The following COL4A4 variants were observed in gnomAD, a reference collection of about 807,000 sequenced individuals.
COL4A4 encodes the protein collagen type IV alpha 4 chain, also known as collagen alpha-4(IV) chain.
COL4A4 carries 105 observed loss-of-function variants against 192.9 expected under a neutral mutation model. The ratio of observed to expected loss-of-function variants is 0.54; its 90% CI spans 0.46 to 0.64. The LOEUF (loss-of-function observed/expected upper bound fraction) is 0.64. COL4A4 is among the 30% of genes least tolerant of loss of function. COL4A4 has a pLI of 0.00. For synonymous variants in COL4A4, 762 were observed against 769.9 expected, an observed-to-expected ratio of 0.99 and a Z score of 0.17; for missense variants, 1,967 against 2,169.3, an observed-to-expected ratio of 0.91 and a Z score of 1.85.
chr2:227,114,749 A>G (rs1243074064), intron 7 of COL4A4, 53 bp from the exon 8 acceptor site: 6 of 1,374,060 alleles, frequency 4.4e-6, no homozygotes, highest in Non-Finnish European at 6.2e-6. Flanking sequence ...TTACCATTTC[A>G]GTATTTTCTT....
chr2:227,014,321 G>A (rs1171740115), intron 44 of COL4A4, among the ~76,000 whole-genome samples: 1 of 152,156 alleles, frequency 6.6e-6, no homozygotes, highest in African/African-American at 2.4e-5. Context: ...ATGAGAATCT[G>A]CATTTCTAGA....
intron 22 of COL4A4, among the ~76,000 whole-genome samples, chr2:227,087,710 C>T (rs1365644529): frequency 1.3e-5 from 2 of 152,194 alleles, no homozygotes; most frequent in Non-Finnish European, 2.9e-5. Flanking sequence ...ATGGTCTATG[C>T]TCCACAGAGC....
At chr2:227,065,257 A>T (rs982467786) in intron 25 of COL4A4, among the ~76,000 whole-genome samples, 1 of 152,238 alleles carries the variant, frequency 6.6e-6, no homozygotes, top group African/African-American at 2.4e-5. Flanking sequence ...GATTGCTAGC[A>T]CAGCAGTCTG....
At chr2:226,971,387 C>G in the COL4A4 span, among the ~76,000 whole-genome samples, 1 of 152,338 alleles carries the variant, frequency 6.6e-6, no homozygotes, top group Admixed American at 6.5e-5. Context: ...TTCCTTTGCA[C>G]TGTCATCACA....
intron 1 of COL4A4, among the ~76,000 whole-genome samples, chr2:227,152,677 G>A (rs1052901942): frequency 2.0e-5 from 3 of 152,160 alleles, no homozygotes; most frequent in Admixed American, 6.5e-5. Context: ...CATGTTGTCT[G>A]CAACAATCTA....
chr2:227,004,296 G>A lies in COL4A4; in HGVS notation c.*3029C>T, dbSNP rs1160180246. On this transcript the variant is annotated 3_prime_UTR_variant, in exon 48 of 48. Transcript: ENST00000396625. ...CCCAGGGAATTCACCTCCCACGCAGGGTAAACTGACCCCAGGGAGGACATC... is the reference window on the plus strand; with the variant it reads ...CCCAGGGAATTCACCTCCCACGCAGAGTAAACTGACCCCAGGGAGGACATC... The A allele has an allele frequency of 6.6e-6, 1 of 152,390 alleles. No individual in the cohort carries two copies. Among genetic ancestry groups the A allele is most frequent in the African/African-American group, 2.4e-5 (1 of 41,466 alleles). 9.4% of individuals were successfully genotyped at this position (152,390 alleles called of 1,614,324 possible).
chr2:227,142,983 T>C (rs2063321475), intron 3 of COL4A4, among the ~76,000 whole-genome samples: 1 of 150,820 alleles, frequency 6.6e-6, no homozygotes, highest in Non-Finnish European at 1.5e-5. Context: ...ATAAGCATAT[T>C]CATACAATGA....
chr2:227,039,584 G>A (rs1970374511), intron 37 of COL4A4, among the ~76,000 whole-genome samples: 1 of 152,168 alleles, frequency 6.6e-6, no homozygotes, highest in Non-Finnish European at 1.5e-5. Flanking sequence ...TGACCAAATT[G>A]GGTGTATGTT....
chr2:226,976,295 C>G, the COL4A4 span, among the ~76,000 whole-genome samples: 2 of 147,564 alleles, frequency 1.4e-5, no homozygotes, highest in African/African-American at 5.1e-5. Context: ...ATGCCCACCC[C>G]CCTGGAGACA....
At chr2:227,107,002 T>C (rs1042004219) in intron 12 of COL4A4, among the ~76,000 whole-genome samples, 1 of 152,238 alleles carries the variant, frequency 6.6e-6, no homozygotes, top group Non-Finnish European at 1.5e-5. Flanking sequence ...CAAATGTGTC[T>C]GATTGGACTG....
chr2:227,089,906 A>G lies in COL4A4; in HGVS notation c.1421T>C (p.Val474Ala), dbSNP rs769320178. Residue 474 changes from valine to alanine, a missense_variant, in exon 21 of 48, where the codon GTT becomes GCT. Coordinates refer to ENST00000396625, the MANE Select transcript of COL4A4 (RefSeq NM_000092.5). ...NPGPQGIKGK[V>A]GPPGGRGPKG... ...TGGGCCTCTTCCTCCTGGGGGACCA[A>G]CTTTGCCTTTTATTCCTTGTGGTCC... 1 of 1,613,676 alleles carries G rather than the reference A, an allele frequency of 6.2e-7. No individual in the cohort carries two copies. Among genetic ancestry groups the G allele is most frequent in the Non-Finnish European group, 8.5e-7 (1 of 1,179,754 alleles).
the COL4A4 span, among the ~76,000 whole-genome samples, chr2:226,973,574 C>A: frequency 5.5e-4 from 84 of 152,222 alleles, 1 homozygote; most frequent in Non-Finnish European, 1.0e-3. Context: ...TATTCACTCT[C>A]TTCCCTGCCT....
intron 27 of COL4A4, 47 bp from the exon 28 acceptor site, chr2:227,059,670 T>C (rs754117728): frequency 3.7e-6 from 5 of 1,336,024 alleles, no homozygotes; most frequent in African/African-American, 1.4e-5. Context: ...TGTGCAAGTA[T>C]AGAACCAATA....
intron 10 of COL4A4, 67 bp downstream of exon 10, chr2:227,109,154 CAAT>C (rs770801945): frequency 6.9e-7 from 1 of 1,439,830 alleles, no homozygotes; most frequent in South Asian, 1.1e-5. Context: ...CCCAAAATGG[CAAT>C]GTTGCTTCTT....
chr2:226,969,015 A>C, the COL4A4 span: 1 of 205,432 alleles, frequency 4.9e-6, no homozygotes, highest in Non-Finnish European at 1.0e-5. Flanking sequence ...TGGACCAGTC[A>C]TGGACACAGG....
intron 25 of COL4A4, among the ~76,000 whole-genome samples, chr2:227,066,729 A>G (rs2150352931): frequency 6.6e-6 from 1 of 151,504 alleles, no homozygotes; most frequent in Admixed American, 6.6e-5. Context: ...CTAAACATGG[A>G]AAGGAACAAC....
chr2:227,083,018 C>T (rs1197450416), intron 22 of COL4A4, among the ~76,000 whole-genome samples: 2 of 152,256 alleles, frequency 1.3e-5, no homozygotes, highest in African/African-American at 4.8e-5. Flanking sequence ...CACTTGAGGC[C>T]AAGAGTTCGA....
At chr2:227,074,209 A>C (rs1394775520) in intron 25 of COL4A4, among the ~76,000 whole-genome samples, 1 of 152,188 alleles carries the variant, frequency 6.6e-6, no homozygotes, top group African/African-American at 2.4e-5. Context: ...CCAAGAAAAA[A>C]ACAAATAATC....
the COL4A4 span, among the ~76,000 whole-genome samples, chr2:226,974,962 A>G: frequency 6.6e-6 from 1 of 152,226 alleles, no homozygotes; most frequent in African/African-American, 2.4e-5. Context: ...GATGAGGCCT[A>G]GTTCCACTGC....
Sources: allele counts gnomAD v4.1 joint callset (sites outside exome capture counted in the v4.1 genomes callset), GRCh38; gene constraint gnomAD v4.1.1; transcripts MANE v1.5; gene names NCBI Gene and HGNC (gene_info 2026-07-23, HGNC 2026-07-21).